DARS2: variants seen among roughly 807,000 people sequenced by gnomAD.
DARS2 encodes the protein aspartyl-tRNA synthetase 2, mitochondrial.
Under a neutral mutation model 83.0 loss-of-function variants are expected in DARS2, and 63 were observed. The observed-to-expected ratio is 0.76, with a 90% CI of 0.62 to 0.94. The LOEUF (loss-of-function observed/expected upper bound fraction) is 0.94. DARS2 is among the 40% of genes least tolerant of loss of function. The pLI, the probability that DARS2 is intolerant of heterozygous loss-of-function variation, is 0.00. For synonymous variants in DARS2, 250 were observed against 269.3 expected (o/e 0.93, Z 0.70); for missense variants, 675 against 774.4 (o/e 0.87, Z 1.52).
chr1:173,851,299 ATTAC>A (rs1009836175), intron 13 of DARS2, among the ~76,000 whole-genome samples: 3 of 151,674 alleles, frequency 2.0e-5, no homozygotes, highest in Non-Finnish European at 4.4e-5. Flanking sequence ...CTCCATTGGC[ATTAC>A]TTAAATAGAT....
intron 11 of DARS2, among the ~76,000 whole-genome samples, chr1:173,844,520 A>C (rs1653342600): frequency 6.6e-6 from 1 of 151,426 alleles, no homozygotes; most frequent in South Asian, 2.1e-4. Context: ...AAATACAAAA[A>C]TTAGCCAGGT....
rs186847178 is a variant in DARS2, at chr1:173,856,136, C to T, written c.1675-530C>T. Among the ~76,000 whole-genome samples, 83 of 152,272 alleles carry T rather than the reference C, an allele frequency of 5.5e-4. 1 individual carries two copies. Among genetic ancestry groups the T allele is most frequent in the Admixed American group, 1.1e-3 (17 of 15,282 alleles). On this transcript the variant is annotated intron_variant, in intron 15 of 16. Coordinates refer to ENST00000649689, the MANE Select transcript of DARS2 (RefSeq NM_018122.5). ...TTGGCCTCTGTTTGTTTGAAGCTTC[C>T]CACTTGATCCTGATTTGTAGCCTGG... is the stretch of plus-strand genomic sequence containing the variant.
intron 11 of DARS2, 96 bp downstream of exon 11, chr1:173,841,069 T>C (rs1262473360): frequency 1.2e-6 from 1 of 861,720 alleles, no homozygotes; most frequent in African/African-American, 1.7e-5. Flanking sequence ...AGAACAATTC[T>C]TTTTAAATAA....
intron 9 of DARS2, among the ~76,000 whole-genome samples, chr1:173,839,030 T>C (rs1325841643): frequency 6.6e-6 from 1 of 152,194 alleles, no homozygotes; most frequent in Non-Finnish European, 1.5e-5. Flanking sequence ...CCACCACGCC[T>C]GGCCAATAGC....
At position 173,857,526 on chromosome 1, in the gene DARS2, A is replaced by G. The variant is rs1653897840; in HGVS notation, c.1759A>G (p.Arg587Gly). 1 of 1,614,010 alleles carries G rather than the reference A, an allele frequency of 6.2e-7. No homozygotes were observed. Among genetic ancestry groups the G allele is most frequent in the Admixed American group, 1.7e-5 (1 of 60,000 alleles). The change falls in exon 17 of 17, where the codon AGA (arginine) becomes GGA (glycine). Residue 587 changes from arginine (R) to glycine (G), a missense_variant. By Grantham distance (125) the Arg-to-Gly change is moderately radical. Coordinates refer to ENST00000649689, the MANE Select transcript of DARS2 (RefSeq NM_018122.5). ...TTGTATTTTACTCACAGGGTTAGAC[A>G]GACTGATATGCCTTGTCACTGGATC... ...PHGGIALGLD[R>G]LICLVTGSPS...
intron 7 of DARS2, 124 bp downstream of exon 7, chr1:173,834,643 GT>G (rs1474014543): frequency 4.8e-6 from 2 of 417,684 alleles, no homozygotes; most frequent in Non-Finnish European, 8.9e-6. Context: ...TATTAACTAG[GT>G]TTTTCTGAAG....
Position 173,827,247 on chromosome 1 carries a change from G to A in DARS2, c.227+461G>A, listed in dbSNP as rs550102398. On this transcript the variant is annotated intron_variant, in intron 2 of 16. Transcript: ENST00000649689. ...TCCTTAAGATCAGAGCCCATTTTTT[G>A]TTGTTGTTCATCTCTCTATTCCAGA... Among the ~76,000 whole-genome samples the A allele has an allele frequency of 2.0e-5, 3 of 152,268 alleles. No homozygotes were observed. In the South Asian group the frequency reaches 6.2e-4, roughly 32 times the overall value.
Position 173,840,907 on chromosome 1 carries a change from A to G in DARS2, c.1062A>G (p.Gly354=). The G allele has an allele frequency of 6.2e-7, 1 of 1,613,110 alleles. No individual in the cohort carries two copies. Among genetic ancestry groups the G allele is most frequent in the Non-Finnish European group, 8.5e-7 (1 of 1,179,086 alleles). Residue 354 remains glycine (G), a synonymous_variant, in exon 11 of 17, where the codon GGA becomes GGG. Transcript: ENST00000649689. ...ATGTGTTTAGAAACACAGAGATTGGATTTCTTCAAGATGCACTTAGTAAGC... is the reference window on the plus strand; with the variant it reads ...ATGTGTTTAGAAACACAGAGATTGGGTTTCTTCAAGATGCACTTAGTAAGC... ...ISDVFRNTEI[G]FLQDALSKPH...
At chr1:173,829,005 C>G (rs138526721) in intron 3 of DARS2, among the ~76,000 whole-genome samples, 1 of 152,032 alleles carries the variant, frequency 6.6e-6, no homozygotes, top group Non-Finnish European at 1.5e-5. Context: ...AATGTATATT[C>G]TTACAATACA....
chr1:173,846,629 C>T (rs1653446983), intron 12 of DARS2, among the ~76,000 whole-genome samples: 1 of 150,926 alleles, frequency 6.6e-6, no homozygotes, highest in Non-Finnish European at 1.5e-5. Flanking sequence ...CTCGTCTCTA[C>T]AAAAAACAGA....
At chr1:173,838,520 C>T (rs914664282) in intron 9 of DARS2, among the ~76,000 whole-genome samples, 15 of 152,016 alleles carry the variant, frequency 9.9e-5, no homozygotes, top group African/African-American at 2.9e-4. Context: ...GCTGCCAAAA[C>T]GAGCATGTGT....
rs1652765476 is a variant in DARS2, at chr1:173,830,727, C to T, written c.362C>T (p.Thr121Ile). 2 of 1,613,882 alleles carry T rather than the reference C, an allele frequency of 1.2e-6. No homozygotes were observed. The highest frequency in any genetic ancestry group is 3.3e-5 in the Admixed American group (2 of 59,994). Residue 121 changes from threonine to isoleucine, a missense_variant, in exon 4 of 17, where the codon ACA becomes ATA. Thr to Ile is a moderately conservative substitution (Grantham distance 89). Coordinates refer to ENST00000649689, the MANE Select transcript of DARS2 (RefSeq NM_018122.5). Reference sequence around the variant, plus strand: ...GAATCTGTGGTGCAAGTGTCTGGTACAGTCATTTCCCGTCCTGCAGGACAA... The same window carrying T: ...GAATCTGTGGTGCAAGTGTCTGGTATAGTCATTTCCCGTCCTGCAGGACAA... ...PVESVVQVSG[T>I]VISRPAGQEN...
chr1:173,839,418 G>A lies in DARS2; in HGVS notation c.892G>A (p.Glu298Lys). Residue 298 changes from glutamate (E) to lysine (K), a missense_variant, in exon 10 of 17, where the codon GAG becomes AAG. By Grantham distance (56) the Glu-to-Lys change is moderately conservative. Transcript: ENST00000649689. ...VDQTGIQSLI[E>K]GLLQYSWPND... ...CCAGACTGGGATCCAGAGTTTAATT[G>A]AGGGTTTGCTCCAGTATTCCTGGCC... is the stretch of plus-strand genomic sequence containing the variant. 4 of 1,614,156 alleles carry A rather than the reference G, an allele frequency of 2.5e-6. No homozygotes were observed. The highest frequency in any genetic ancestry group is 3.4e-6 in the Non-Finnish European group (4 of 1,180,004).
chr1:173,845,305 T>TAGAGCA lies in DARS2; in HGVS notation c.1191+15_1191+20dup. 6.3e-7 allele frequency: 1 copy of TAGAGCA among 1,590,442 alleles called. No homozygotes were observed. The highest frequency in any genetic ancestry group is 8.6e-7 in the Non-Finnish European group (1 of 1,158,904). ...CATTTTAATCAGGTAAGGAGTTAAT[T>TAGAGCA]AGAGCAGTTTTTTTCCTTATACAGA... On this transcript the variant is annotated intron_variant, in intron 12 of 16. Transcript: ENST00000649689.
chr1:173,832,929 T>A (rs1652848487), intron 5 of DARS2, among the ~76,000 whole-genome samples: 1 of 152,056 alleles, frequency 6.6e-6, no homozygotes, highest in African/African-American at 2.4e-5. Context: ...GGAGATGGGG[T>A]CTTGCTATAT....
In DARS2 at chr1:173,839,361, T is replaced by G; in HGVS notation, c.841-6T>G. 1 of 1,614,078 alleles carries G rather than the reference T, an allele frequency of 6.2e-7. No individual in the cohort carries two copies. The highest frequency in any genetic ancestry group is 8.5e-7 in the Non-Finnish European group (1 of 1,179,916). ...AATTAGTTTCCATATGGTACTTTGG[T>G]TTCAGATTGACATAGAGATGTCATT... is the stretch of plus-strand genomic sequence containing the variant. On this transcript the variant is annotated splice_region_variant and splice_polypyrimidine_tract_variant and intron_variant, in intron 9 of 16. Transcript: ENST00000649689.
chr1:173,833,548 A>G (rs1652872811), intron 6 of DARS2, 49 bp downstream of exon 6: 4 of 1,612,182 alleles, frequency 2.5e-6, no homozygotes, highest in African/African-American at 1.3e-5. Flanking sequence ...CATCTCTTCT[A>G]TTTTATTCAG....
intron 13 of DARS2, among the ~76,000 whole-genome samples, chr1:173,852,722 C>G (rs1431653928): frequency 6.6e-6 from 1 of 152,074 alleles, no homozygotes; most frequent in African/African-American, 2.4e-5. Flanking sequence ...TCAGGCTGAT[C>G]TAGAACCCCT....
At chr1:173,832,786 A>AG (rs1652843645) in intron 5 of DARS2, among the ~76,000 whole-genome samples, 1 of 143,138 alleles carries the variant, frequency 7.0e-6, no homozygotes, top group Non-Finnish European at 1.5e-5. Context: ...AAAAAAAAAA[A>AG]GAGAGAGAAA....
Sources: gnomAD v4.1 joint callset for allele counts (sites outside exome capture counted in the v4.1 genomes callset) on GRCh38, gnomAD v4.1.1 for gene constraint, MANE v1.5 for transcripts, NCBI Gene and HGNC (gene_info 2026-07-23, HGNC 2026-07-21) for gene names.